Variants in COL25A1 observed in about 807,000 individuals in gnomAD.
COL25A1 encodes collagen alpha-1(XXV) chain.
In COL25A1, 103 loss-of-function variants were observed where a neutral mutation model predicts 128.4. The ratio of observed to expected loss-of-function variants is 0.80; its 90% confidence interval spans 0.68 to 0.94. COL25A1 has a LOEUF of 0.94. Among genes scored for constraint, COL25A1 ranks in the 40% least tolerant of loss-of-function variants. The pLI, the probability that COL25A1 is intolerant of heterozygous loss-of-function variation, is 0.00. For synonymous variants in COL25A1, 279 were observed against 277.2 expected (o/e 1.01, Z -0.06); for missense variants, 745 against 840.0 (o/e 0.89, Z 1.40).
At chr4:108,831,435 A>G (rs777471262) in intron 32 of COL25A1, among the ~76,000 whole-genome samples, 14 of 152,194 alleles carry the variant, frequency 9.2e-5, no homozygotes, top group Non-Finnish European at 1.6e-4. Flanking sequence ...AGAAATGACT[A>G]CTGGCCCTCT....
intron 19 of COL25A1, among the ~76,000 whole-genome samples, chr4:108,870,015 G>T (rs991888214): frequency 5.9e-5 from 9 of 152,152 alleles, no homozygotes; most frequent in Non-Finnish European, 1.2e-4. Context: ...TACTTTGGAA[G>T]GCTGAGGTGG....
intron 19 of COL25A1, among the ~76,000 whole-genome samples, chr4:108,879,309 T>C (rs896522453): frequency 4.6e-5 from 7 of 152,182 alleles, no homozygotes; most frequent in African/African-American, 1.4e-4. Context: ...TGAAGCATGA[T>C]ACTACTGTGA....
At chr4:109,177,508 A>G (rs1774211055) in intron 3 of COL25A1, among the ~76,000 whole-genome samples, 1 of 152,148 alleles carries the variant, frequency 6.6e-6, no homozygotes, top group Admixed American at 6.6e-5. Context: ...CCCCCACCCC[A>G]GACCCTATTC....
chr4:109,243,678 G>A (rs188680969), intron 3 of COL25A1, among the ~76,000 whole-genome samples: 25 of 152,030 alleles, frequency 1.6e-4, no homozygotes, highest in Non-Finnish European at 3.4e-4. Flanking sequence ...AAAAGAAATA[G>A]CCTTAAATTC....
intron 32 of COL25A1, among the ~76,000 whole-genome samples, chr4:108,829,932 G>A (rs1245337626): frequency 6.6e-6 from 1 of 152,194 alleles, no homozygotes; most frequent in Non-Finnish European, 1.5e-5. Context: ...CACCAGAGAG[G>A]ATGCTTGGAC....
chr4:108,926,060 A>G (rs537933244), intron 11 of COL25A1, among the ~76,000 whole-genome samples: 1 of 152,234 alleles, frequency 6.6e-6, no homozygotes, highest in Admixed American at 6.5e-5. Context: ...GAACAAAAAA[A>G]TAACACAGAA....
At chr4:109,250,593 A>C (rs1357811558) in intron 3 of COL25A1, among the ~76,000 whole-genome samples, 1 of 152,196 alleles carries the variant, frequency 6.6e-6, no homozygotes, top group East Asian at 1.9e-4. Flanking sequence ...TGAAGGTAGA[A>C]GTCTGTGCCC....
At chr4:108,941,827 T>G (rs1748141114) in intron 8 of COL25A1, among the ~76,000 whole-genome samples, 1 of 152,194 alleles carries the variant, frequency 6.6e-6, no homozygotes, top group East Asian at 1.9e-4. Flanking sequence ...ACCAGCATAA[T>G]GTGGCGTGAA....
intron 3 of COL25A1, among the ~76,000 whole-genome samples, chr4:109,150,075 GTGTT>G (rs1278358589): frequency 6.6e-6 from 1 of 151,458 alleles, no homozygotes; most frequent in East Asian, 1.9e-4. Flanking sequence ...GTGTGTATGT[GTGTT>G]TGTATGTCTG....
At chr4:109,219,895 G>A (rs930540818) in intron 3 of COL25A1, among the ~76,000 whole-genome samples, 18 of 152,096 alleles carry the variant, frequency 1.2e-4, no homozygotes, top group African/African-American at 4.3e-4. Context: ...AAAAATAGTT[G>A]TACATTTTTA....
intron 13 of COL25A1, among the ~76,000 whole-genome samples, chr4:108,905,448 C>T (rs144217578): frequency 1.1e-3 from 162 of 151,398 alleles, no homozygotes; most frequent in South Asian, 6.5e-3. Context: ...CACACCAGCA[C>T]GGCACATGTA....
At chr4:109,113,794 G>A (rs1477242492) in intron 3 of COL25A1, among the ~76,000 whole-genome samples, 1 of 151,996 alleles carries the variant, frequency 6.6e-6, no homozygotes, top group Non-Finnish European at 1.5e-5. Context: ...AACATATGTA[G>A]TACAAAAAGC....
rs150917468 is a variant in COL25A1, at chr4:108,840,996, C to T, written c.1656+699G>A. ...GAGATTAGAACATAAGTCTTCATCACGTATGCTCCCTGAAAGGGGGACCTT... is the reference window on the plus strand; with the variant it reads ...GAGATTAGAACATAAGTCTTCATCATGTATGCTCCCTGAAAGGGGGACCTT... On this transcript the variant is annotated intron_variant, in intron 31 of 37. Transcript: ENST00000399132. 2.4e-3 allele frequency among the ~76,000 whole-genome samples: 369 copies of T among 152,302 alleles called. 2 individuals are homozygous for T. The highest frequency in any genetic ancestry group is 8.1e-3 in the African/African-American group (337 of 41,572).
intron 3 of COL25A1, among the ~76,000 whole-genome samples, chr4:109,080,129 A>C (rs1560652654): frequency 6.6e-6 from 1 of 152,170 alleles, no homozygotes; most frequent in Non-Finnish European, 1.5e-5. Flanking sequence ...TGTGCCAGGT[A>C]CTGTGCTATT....
intron 3 of COL25A1, among the ~76,000 whole-genome samples, chr4:109,224,250 A>G (rs1778620952): frequency 6.6e-6 from 1 of 152,306 alleles, no homozygotes; most frequent in South Asian, 2.1e-4. Context: ...GGTTTGATCA[A>G]CCAGGTTCTG....
intron 3 of COL25A1, among the ~76,000 whole-genome samples, chr4:109,198,632 C>T (rs1776314313): frequency 6.6e-6 from 1 of 152,134 alleles, no homozygotes; most frequent in Non-Finnish European, 1.5e-5. Flanking sequence ...TATGCTAGCT[C>T]TAGAGCCTCC....
At chr4:109,217,812 A>G (rs975328451) in intron 3 of COL25A1, among the ~76,000 whole-genome samples, 1 of 151,600 alleles carries the variant, frequency 6.6e-6, no homozygotes, top group African/African-American at 2.4e-5. Flanking sequence ...TATACTGTTG[A>G]GTTTAGTCAA....
rs556970498 is a variant in COL25A1 at position 108,981,797 on chromosome 4, C to T, written c.439-7238G>A. Among the ~76,000 whole-genome samples the T allele has an allele frequency of 1.6e-4, 24 of 152,226 alleles. No homozygotes were observed. In the South Asian group the frequency reaches 5.0e-3, roughly 32 times the overall value. ...TATACATGAAGCAATTTATAAAATGCCTGCCCTACCAATAATATAATAGTA... is the reference window on the plus strand; with the variant it reads ...TATACATGAAGCAATTTATAAAATGTCTGCCCTACCAATAATATAATAGTA... On this transcript the variant is annotated intron_variant, in intron 6 of 37. Coordinates refer to ENST00000399132, the MANE Select transcript of COL25A1 (RefSeq NM_198721.4).
chr4:109,198,109 T>G (rs1266271624), intron 3 of COL25A1, among the ~76,000 whole-genome samples: 2 of 152,108 alleles, frequency 1.3e-5, no homozygotes, highest in African/African-American at 4.8e-5. Flanking sequence ...ACTTTTTTCA[T>G]TATATCTTAC....
Sources: allele counts gnomAD v4.1 joint callset (sites outside exome capture counted in the v4.1 genomes callset), GRCh38; gene constraint gnomAD v4.1.1; transcripts MANE v1.5; gene names NCBI Gene and HGNC (gene_info 2026-07-23, HGNC 2026-07-21).